Variants in SETD5 observed in about 807,000 individuals in gnomAD.
SETD5 encodes SET domain containing 5, also known as histone-lysine N-methyltransferase SETD5.
In SETD5, 44 loss-of-function variants were observed where a neutral mutation model predicts 153.3. That is an observed-to-expected ratio of 0.29 (90% CI 0.23 to 0.37). SETD5 has a LOEUF of 0.37. Ranked by LOEUF, SETD5 falls within the 10% of genes least tolerant of loss-of-function variation. SETD5 has a pLI of 1.00. For synonymous variants in SETD5, 716 were observed against 645.2 expected, an observed-to-expected ratio of 1.11 and a Z score of -1.66; for missense variants, 1,544 against 1,768.0, an observed-to-expected ratio of 0.87 and a Z score of 2.27.
Position 9,448,328 on chromosome 3 carries a change from C to T in SETD5, c.2104-60C>T, listed in dbSNP as rs2042249888. Reference sequence around the variant, plus strand: ...GTCCTAGTTTCTAGATGACGTTTGTCTTTATGAACTACACTGCTACCTCTT... The same window carrying T: ...GTCCTAGTTTCTAGATGACGTTTGTTTTTATGAACTACACTGCTACCTCTT... On this transcript the variant is annotated intron_variant, in intron 15 of 22. Transcript: ENST00000402198. The T allele has an allele frequency of 1.9e-6, 3 of 1,570,060 alleles. No individual in the cohort carries two copies. In the East Asian group the frequency reaches 6.8e-5, roughly 35 times the overall value.
rs1215926746 is a variant in SETD5 at position 9,448,542 on chromosome 3, A to G, written c.2258A>G (p.Lys753Arg). 1.9e-6 allele frequency: 3 copies of G among 1,613,678 alleles called. No individual in the cohort carries two copies. The highest frequency in any genetic ancestry group is 1.7e-6 in the Non-Finnish European group (2 of 1,179,836). The change falls in exon 16 of 23, where the codon AAA becomes AGA. Residue 753 changes from lysine to arginine, a missense_variant. Lys to Arg is a conservative substitution (Grantham distance 26). Around this residue, in one of 9 missense-constraint regions of SETD5, gnomAD observed 782 missense variants for 787.2 expected, o/e 0.99. Coordinates refer to ENST00000402198, the MANE Select transcript of SETD5 (RefSeq NM_001080517.3). The stretch of plus-strand genomic sequence containing the variant: ...TCCCCGTTAATTTGCACCACCCCCA[A>G]ACACTACATTCGCTTTGGCTCACCC... ...IHSPLICTTP[K>R]HYIRFGSPFI...
At chr3:9,449,344 G>A (rs531322866) in intron 16 of SETD5, 26 of 152,202 alleles carry the variant, frequency 1.7e-4, no homozygotes, top group Admixed American at 1.6e-3. Flanking sequence ...TTCCAAAGGT[G>A]TCTCTTAGGA....
chr3:9,470,844 T>G lies in SETD5; in HGVS notation c.3110T>G (p.Leu1037Arg). 1.2e-6 allele frequency: 2 copies of G among 1,612,370 alleles called. No individual in the cohort carries two copies. The highest frequency in any genetic ancestry group is 1.1e-5 in the South Asian group (1 of 90,726). The part of the protein sequence containing the change: ...SRYEHGLMKD[L>R]SRGSLSPGGE... ...TATGAACATGGCTTAATGAAAGACC[T>G]CTCTCGTGGATCCTTGTCACCTGGT... Residue 1037 changes from leucine to arginine, a missense_variant, in exon 19 of 23, where the codon CTC becomes CGC. By Grantham distance (102) the Leu-to-Arg change is moderately radical. This residue lies in a region of SETD5 where 782 missense variants were observed against 787.2 expected (regional missense o/e 0.99). Transcript: ENST00000402198.
chr3:9,438,313 A>G, intron 7 of SETD5, among the ~76,000 whole-genome samples: 1 of 152,112 alleles, frequency 6.6e-6, no homozygotes, highest in Non-Finnish European at 1.5e-5. Flanking sequence ...TTGCTTAGAG[A>G]GGGGCCTTTT....
chr3:9,414,884 A>AG (rs2037180002), intron 1 of SETD5, among the ~76,000 whole-genome samples: 1 of 152,118 alleles, frequency 6.6e-6, no homozygotes, highest in Non-Finnish European at 1.5e-5. Flanking sequence ...ATTCAAAAAC[A>AG]GTAATGTTCA....
At chr3:9,474,227 C>T (rs940397107) in intron 20 of SETD5, among the ~76,000 whole-genome samples, 2 of 152,118 alleles carry the variant, frequency 1.3e-5, no homozygotes, top group African/African-American at 2.4e-5. Context: ...ATCTTTAACC[C>T]ACTTTTTCCT....
intron 19 of SETD5, among the ~76,000 whole-genome samples, chr3:9,472,067 C>T (rs958014934): frequency 9.2e-5 from 14 of 152,172 alleles, no homozygotes; most frequent in Admixed American, 5.2e-4. Context: ...TAATTGATTT[C>T]GAAGATTGTT....
At chr3:9,461,787 T>C (rs1012492867) in intron 17 of SETD5, among the ~76,000 whole-genome samples, 1 of 152,214 alleles carries the variant, frequency 6.6e-6, no homozygotes, top group Non-Finnish European at 1.5e-5. Flanking sequence ...CTTAACATAA[T>C]TGACTTTGAT....
intron 1 of SETD5, among the ~76,000 whole-genome samples, chr3:9,401,689 A>G (rs1293187452): frequency 6.6e-6 from 1 of 152,214 alleles, no homozygotes; most frequent in Admixed American, 6.5e-5. Flanking sequence ...TGACTATTGG[A>G]TACATTTTAT....
intron 1 of SETD5, among the ~76,000 whole-genome samples, chr3:9,401,172 G>T (rs2034711005): frequency 6.6e-6 from 1 of 152,140 alleles, no homozygotes; most frequent in Non-Finnish European, 1.5e-5. Flanking sequence ...CAATGAAACA[G>T]AACCTTTAAT....
At chr3:9,462,586 CAAA>C (rs111829236) in intron 17 of SETD5, among the ~76,000 whole-genome samples, 3 of 81,706 alleles carry the variant, frequency 3.7e-5, no homozygotes, top group Admixed American at 1.4e-4. Flanking sequence ...GAGTCCGTCT[CAAA>C]AAAAAAAAAA....
chr3:9,441,749 C>CGTCATTCATTGAGCAGTGAGGGCTAAG lies in SETD5; in HGVS notation c.959+11_959+37dup. Reference sequence around the variant, plus strand: ...TGGGCATTTCTTCAAAAAGTAAGAACGTCATTCATTGAGCAGTGAGGGCTA... The same window carrying CGTCATTCATTGAGCAGTGAGGGCTAAG: ...TGGGCATTTCTTCAAAAAGTAAGAACGTCATTCATTGAGCAGTGAGGGCTAAGGTCATTCATTGAGCAGTGAGGGCTA... On this transcript the variant is annotated intron_variant, in intron 9 of 22. Coordinates refer to ENST00000402198, the MANE Select transcript of SETD5 (RefSeq NM_001080517.3). 1 of 1,613,842 alleles carries CGTCATTCATTGAGCAGTGAGGGCTAAG rather than the reference C, an allele frequency of 6.2e-7. No homozygotes were observed. The highest frequency in any genetic ancestry group is 8.5e-7 in the Non-Finnish European group (1 of 1,179,798).
chr3:9,450,587 T>A (rs2042505138), intron 16 of SETD5, among the ~76,000 whole-genome samples: 1 of 152,194 alleles, frequency 6.6e-6, no homozygotes, highest in South Asian at 2.1e-4. Context: ...TCTTCTAATA[T>A]CTCCTAATAT....
intron 17 of SETD5, among the ~76,000 whole-genome samples, chr3:9,463,799 C>T (rs1017464879): frequency 2.0e-5 from 3 of 152,212 alleles, no homozygotes; most frequent in Non-Finnish European, 4.4e-5. Context: ...TAGAGGGTAA[C>T]TGTAACACAG....
chr3:9,441,996 G>C (rs918763265), intron 9 of SETD5, 132 bp from the exon 10 acceptor site: 5 of 740,440 alleles, frequency 6.8e-6, no homozygotes, highest in Non-Finnish European at 1.1e-5. Context: ...GCAGACAAAC[G>C]TGATGCTTTC....
intron 1 of SETD5, among the ~76,000 whole-genome samples, chr3:9,406,350 ATTT>A (rs1316289932): frequency 6.6e-6 from 1 of 152,224 alleles, no homozygotes; most frequent in African/African-American, 2.4e-5. Context: ...GAAAGCATAA[ATTT>A]TTATTTTCTC....
chr3:9,408,886 A>G (rs1015703944), intron 1 of SETD5, among the ~76,000 whole-genome samples: 1 of 152,210 alleles, frequency 6.6e-6, no homozygotes, highest in Non-Finnish European at 1.5e-5. Flanking sequence ...ATATTAAAAT[A>G]ACAGTAATAA....
At position 9,473,391 on chromosome 3, in the gene SETD5, A is replaced by G. The variant is rs1429136245; in HGVS notation, c.3351A>G (p.Gly1117=). Residue 1117 remains glycine (G), a synonymous_variant, in exon 20 of 23, where the codon GGA becomes GGG. Transcript: ENST00000402198. ...VSDTGAHGVQ[G]SSARTPSSPH... ...ACACTGGTGCCCATGGTGTGCAGGG[A>G]TCCTCAGCCCGAACTCCATCTTCCC... The G allele has an allele frequency of 1.2e-6, 2 of 1,613,784 alleles. No individual in the cohort carries two copies. Among genetic ancestry groups the G allele is most frequent in the African/African-American group, 2.7e-5 (2 of 74,886 alleles).
At chr3:9,415,233 C>T (rs1452458394) in intron 1 of SETD5, among the ~76,000 whole-genome samples, 4 of 152,316 alleles carry the variant, frequency 2.6e-5, no homozygotes, top group Admixed American at 1.3e-4. Flanking sequence ...TAATTAATGA[C>T]ATGAGCATTT....
Sources: gnomAD v4.1 joint callset for allele counts (sites outside exome capture counted in the v4.1 genomes callset) on GRCh38, gnomAD v4.1.1 for gene constraint, gnomAD v4.1.1 regional missense constraint, MANE v1.5 for transcripts, NCBI Gene and HGNC (gene_info 2026-07-23, HGNC 2026-07-21) for gene names.